The following C1orf21 variants were observed in gnomAD, a reference collection of about 807,000 sequenced individuals.
C1orf21 encodes the protein chromosome 1 open reading frame 21.
In C1orf21, 3 loss-of-function variants were observed where a neutral mutation model predicts 18.7. That is an observed-to-expected ratio of 0.16 (90% confidence interval 0.07 to 0.42). The LOEUF is 0.42. Among genes scored for constraint, C1orf21 ranks in the 10% least tolerant of loss-of-function variants. C1orf21 has a pLI of 0.99. For missense variants in C1orf21, 104 were observed against 143.6 expected, an observed-to-expected ratio of 0.72 and a Z score of 1.41; for synonymous variants, 41 against 46.4, an observed-to-expected ratio of 0.88 and a Z score of 0.47.
intron 1 of C1orf21, among the ~76,000 whole-genome samples, chr1:184,417,738 T>C (rs1435423565): frequency 2.0e-5 from 3 of 152,232 alleles, no homozygotes; most frequent in Non-Finnish European, 4.4e-5. Flanking sequence ...ATTCTTCTTC[T>C]CCCGCTTTCT....
intron 2 of C1orf21, among the ~76,000 whole-genome samples, chr1:184,494,676 G>T (rs1020309729): frequency 1.3e-5 from 2 of 152,158 alleles, no homozygotes; most frequent in African/African-American, 4.8e-5. Flanking sequence ...CTCTTTAGTG[G>T]TGGCTTGCAG....
At chr1:184,525,475 A>G (rs1399388337) in intron 3 of C1orf21, among the ~76,000 whole-genome samples, 1 of 152,014 alleles carries the variant, frequency 6.6e-6, no homozygotes, top group Non-Finnish European at 1.5e-5. Context: ...TCACTGAGAA[A>G]TATTGGCTTG....
chr1:184,521,029 G>A (rs1052032404), intron 3 of C1orf21, among the ~76,000 whole-genome samples: 1 of 152,106 alleles, frequency 6.6e-6, no homozygotes, highest in Non-Finnish European at 1.5e-5. Flanking sequence ...GAGTAGCTGG[G>A]ATTACAGGCA....
At chr1:184,566,617 C>A in intron 3 of C1orf21, 2 of 378,806 alleles carry the variant, frequency 5.3e-6, no homozygotes, top group South Asian at 5.1e-5. Flanking sequence ...GCCATAAAAC[C>A]ACCAGGTTGG....
intron 3 of C1orf21, among the ~76,000 whole-genome samples, chr1:184,586,376 G>C (rs1659353325): frequency 1.4e-5 from 2 of 147,686 alleles, no homozygotes; most frequent in African/African-American, 5.0e-5. Flanking sequence ...TCCGCCCCCT[G>C]GGGTTCACGC....
chr1:184,583,815 T>C (rs998351030), intron 3 of C1orf21, among the ~76,000 whole-genome samples: 2 of 152,192 alleles, frequency 1.3e-5, no homozygotes, highest in African/African-American at 2.4e-5. Flanking sequence ...GTGGAGACCC[T>C]GTCAAAAGCC....
intron 1 of C1orf21, among the ~76,000 whole-genome samples, chr1:184,400,539 G>A (rs545344554): frequency 1.3e-5 from 2 of 152,140 alleles, no homozygotes; most frequent in Admixed American, 6.5e-5. Flanking sequence ...GTATATTTCC[G>A]AGATCACTCT....
chr1:184,598,527 G>A, intron 5 of C1orf21, 66 bp downstream of exon 5: 2 of 1,391,264 alleles, frequency 1.4e-6, no homozygotes, highest in Non-Finnish European at 2.0e-6. Context: ...ATATGTGAGG[G>A]CAATAACATT....
intron 1 of C1orf21, among the ~76,000 whole-genome samples, chr1:184,418,686 T>G (rs1656498871): frequency 6.6e-6 from 1 of 152,224 alleles, no homozygotes; most frequent in South Asian, 2.1e-4. Flanking sequence ...GATTCATTAA[T>G]TTTGACACAG....
chr1:184,548,376 A>G (rs1658760230), intron 3 of C1orf21, among the ~76,000 whole-genome samples: 1 of 135,560 alleles, frequency 7.4e-6, no homozygotes, highest in Non-Finnish European at 1.6e-5. Context: ...GGGAACTTGC[A>G]TTTATTCATT....
At chr1:184,589,862 C>T (rs1659412050) in intron 3 of C1orf21, among the ~76,000 whole-genome samples, 1 of 152,192 alleles carries the variant, frequency 6.6e-6, no homozygotes, top group Admixed American at 6.5e-5. Context: ...TCCCACATCA[C>T]TCTGCATGTG....
At chr1:184,392,057 A>G (rs996213052) in intron 1 of C1orf21, among the ~76,000 whole-genome samples, 2 of 152,334 alleles carry the variant, frequency 1.3e-5, no homozygotes. Context: ...TGGAATAGAT[A>G]TAATTTCTGT....
chr1:184,453,645 A>G (rs1408700194), intron 1 of C1orf21, among the ~76,000 whole-genome samples: 2 of 149,808 alleles, frequency 1.3e-5, no homozygotes, highest in East Asian at 3.9e-4. Context: ...CTCTGAAGAT[A>G]TCTAGACCAA....
At chr1:184,423,826 C>T (rs1656585210) in intron 1 of C1orf21, among the ~76,000 whole-genome samples, 1 of 151,718 alleles carries the variant, frequency 6.6e-6, no homozygotes, top group Non-Finnish European at 1.5e-5. Context: ...ATCCATCTAC[C>T]CATCCATCCC....
At chr1:184,469,282 C>T (rs1363824079) in intron 1 of C1orf21, among the ~76,000 whole-genome samples, 1 of 152,096 alleles carries the variant, frequency 6.6e-6, no homozygotes, top group Non-Finnish European at 1.5e-5. Context: ...AAAAACTATT[C>T]TCATGTTTGC....
intron 1 of C1orf21, among the ~76,000 whole-genome samples, chr1:184,393,482 T>C (rs35021091): frequency 2.1e-4 from 32 of 152,310 alleles, no homozygotes; most frequent in African/African-American, 7.7e-4. Context: ...ACATACTTTA[T>C]ACCTTGTAGA....
intron 3 of C1orf21, among the ~76,000 whole-genome samples, chr1:184,550,890 C>A (rs2101981589): frequency 6.6e-6 from 1 of 152,198 alleles, no homozygotes; most frequent in East Asian, 1.9e-4. Flanking sequence ...CCATAACTGG[C>A]TGTCTAGAGG....
chr1:184,423,575 A>G (rs527571001), intron 1 of C1orf21, among the ~76,000 whole-genome samples: 1 of 152,286 alleles, frequency 6.6e-6, no homozygotes, highest in African/African-American at 2.4e-5. Flanking sequence ...GGAGAGAGAA[A>G]TGAGGAAATA....
At chr1:184,520,568 C>A (rs370891859) in intron 3 of C1orf21, among the ~76,000 whole-genome samples, 13 of 152,284 alleles carry the variant, frequency 8.5e-5, no homozygotes, top group Admixed American at 7.8e-4. Flanking sequence ...TGATTCACAG[C>A]GATGCCTTAC....
Sources: gnomAD v4.1 joint callset for allele counts (sites outside exome capture counted in the v4.1 genomes callset) on GRCh38, gnomAD v4.1.1 for gene constraint, MANE v1.5 for transcripts, NCBI Gene and HGNC (gene_info 2026-07-23, HGNC 2026-07-21) for gene names.